AFF1: variants seen among roughly 807,000 people sequenced by gnomAD.
The protein encoded by AFF1 is AF4/FMR2 family member 1.
AFF1 carries 48 observed loss-of-function variants against 121.7 expected under a neutral mutation model. That is an observed-to-expected ratio of 0.39 (90% confidence interval 0.31 to 0.50). AFF1 has a LOEUF of 0.50. AFF1 is among the 20% of genes least tolerant of loss of function. The pLI is 0.76. For synonymous variants in AFF1, 613 were observed against 563.0 expected (o/e 1.09, Z -1.26); for missense variants, 1,523 against 1,511.7 (o/e 1.01, Z -0.12).
intron 11 of AFF1, among the ~76,000 whole-genome samples, chr4:87,113,557 C>G (rs1726776051): frequency 6.6e-6 from 1 of 152,114 alleles, no homozygotes; most frequent in African/African-American, 2.4e-5. Flanking sequence ...GCCTGAATCA[C>G]CGTATTGGTC....
At chr4:86,950,188 A>T in intron 2 of AFF1, 10 of 1,399,884 alleles carry the variant, frequency 7.1e-6, no homozygotes, top group Non-Finnish European at 1.0e-5. Flanking sequence ...AGGTATTATT[A>T]TTTTTTTAAG....
At chr4:87,088,740 A>G (rs1482393728) in intron 5 of AFF1, among the ~76,000 whole-genome samples, 9 of 151,654 alleles carry the variant, frequency 5.9e-5, no homozygotes, top group African/African-American at 1.9e-4. Context: ...GATTACAGGC[A>G]TGTACCACCA....
Position 87,090,074 on chromosome 4 carries a change from A to T in AFF1, c.1191+4A>T, listed in dbSNP as rs773525008. Reference sequence around the variant, plus strand: ...CAAGTTTCCTTTCCCTACAAAGGTAATTCCTTAAAAGTATGGCAGGCATTG... The same window carrying T: ...CAAGTTTCCTTTCCCTACAAAGGTATTTCCTTAAAAGTATGGCAGGCATTG... On this transcript the variant is annotated splice_donor_region_variant and intron_variant, in intron 6 of 20. Coordinates refer to ENST00000395146, the MANE Select transcript of AFF1 (RefSeq NM_001166693.3). 1.9e-6 allele frequency: 3 copies of T among 1,610,970 alleles called. No homozygotes were observed. Among genetic ancestry groups the T allele is most frequent in the South Asian group, 2.2e-5 (2 of 91,010 alleles).
chr4:87,122,804 AT>A (rs1727825165), intron 12 of AFF1, among the ~76,000 whole-genome samples: 1 of 151,790 alleles, frequency 6.6e-6, no homozygotes, highest in Admixed American at 6.6e-5. Flanking sequence ...TAGAAATAGA[AT>A]ATAAGCCACA....
At chr4:87,034,471 C>T (rs1338179347) in intron 2 of AFF1, among the ~76,000 whole-genome samples, 1 of 152,198 alleles carries the variant, frequency 6.6e-6, no homozygotes, top group African/African-American at 2.4e-5. Flanking sequence ...GTATTTATAG[C>T]AGCATGGAGA....
chr4:87,047,681 AGGTTAGTCCATGGCTTTTGGGTAGGG>A (rs1261794357), intron 4 of AFF1, 87 bp downstream of exon 4: 1 of 1,562,976 alleles, frequency 6.4e-7, no homozygotes, highest in Non-Finnish European at 8.8e-7. Flanking sequence ...CAAGGTGGGG[AGGTTAGTCCATGGCTTTTGGGTAGGG>A]GGAATTCTTT....
At chr4:87,051,568 C>T (rs1731262452) in intron 4 of AFF1, among the ~76,000 whole-genome samples, 1 of 152,106 alleles carries the variant, frequency 6.6e-6, no homozygotes, top group Non-Finnish European at 1.5e-5. Flanking sequence ...TCAAGCGATC[C>T]TCCTGCCTCA....
At chr4:87,024,669 C>T (rs553086653) in intron 2 of AFF1, among the ~76,000 whole-genome samples, 8 of 152,256 alleles carry the variant, frequency 5.3e-5, no homozygotes, top group African/African-American at 1.4e-4. Context: ...CTGTTCACTG[C>T]AACCTCTGCC....
chr4:86,998,827 A>G (rs1190933730), intron 2 of AFF1, among the ~76,000 whole-genome samples: 3 of 152,322 alleles, frequency 2.0e-5, no homozygotes, highest in East Asian at 3.9e-4. Context: ...AAAGAGAAGT[A>G]TCTAAAGTGA....
At chr4:87,030,639 A>G (rs1234679815) in intron 2 of AFF1, among the ~76,000 whole-genome samples, 1 of 138,388 alleles carries the variant, frequency 7.2e-6, no homozygotes. Context: ...TTCGTTTAAA[A>G]CTTACACTGA....
intron 2 of AFF1, among the ~76,000 whole-genome samples, chr4:86,990,855 G>GA (rs1724645183): frequency 6.6e-6 from 1 of 152,148 alleles, no homozygotes; most frequent in South Asian, 2.1e-4. Context: ...GAGCTTGTTA[G>GA]AAATATGTAA....
At chr4:87,012,365 T>C (rs368447577) in intron 2 of AFF1, among the ~76,000 whole-genome samples, 1 of 152,140 alleles carries the variant, frequency 6.6e-6, no homozygotes, top group Non-Finnish European at 1.5e-5. Context: ...ATGTGAGATA[T>C]AGTGGAAATA....
rs1432910782 is a variant in AFF1, at chr4:86,985,525, AT to A, written c.38+36955del. Among the ~76,000 whole-genome samples the A allele has an allele frequency of 7.9e-3, 1,185 of 149,930 alleles. 19 individuals carry two copies. The highest frequency in any genetic ancestry group is 0.028 in the African/African-American group (1,140 of 40,754). Reference sequence around the variant, plus strand: ...ACTGTCTCAAAAAAAAAAAAAAAAAATGTAGCTCGGCGTGGTGGCAGGTGCC... The same window carrying A: ...ACTGTCTCAAAAAAAAAAAAAAAAAAGTAGCTCGGCGTGGTGGCAGGTGCC... On this transcript the variant is annotated intron_variant, in intron 2 of 20. Transcript: ENST00000395146.
intron 4 of AFF1, among the ~76,000 whole-genome samples, chr4:87,083,721 T>G (rs1323705242): frequency 6.6e-6 from 1 of 152,240 alleles, no homozygotes; most frequent in Non-Finnish European, 1.5e-5. Context: ...CCATCATTAC[T>G]GTGTTTCCCC....
chr4:86,960,525 G>A (rs1326241113), intron 2 of AFF1, among the ~76,000 whole-genome samples: 2 of 152,230 alleles, frequency 1.3e-5, no homozygotes, highest in African/African-American at 4.8e-5. Context: ...TCCAAAGGCA[G>A]TGGTTTTAGA....
In AFF1 at chr4:87,114,760, G is replaced by A. The variant is rs1560640634; in HGVS notation, c.1927G>A (p.Asp643Asn). Reference protein sequence around the residue: ...EPGLLPYGSRDQTSKDKPKVK... With the variant: ...EPGLLPYGSRNQTSKDKPKVK... ...AGGGCTTCTTCCCTATGGCTCCCGA[G>A]ACCAGACTTCCAAAGACAAGCCCAA... is the stretch of plus-strand genomic sequence containing the variant. The change falls in exon 12 of 21, where the codon GAC becomes AAC. Residue 643 changes from aspartate (D) to asparagine (N), a missense_variant. Physicochemically the swap from Asp to Asn is conservative, Grantham distance 23. This residue lies in a region of AFF1 where 905 missense variants were observed against 842.5 expected (regional missense o/e 1.07). Coordinates refer to ENST00000395146, the MANE Select transcript of AFF1 (RefSeq NM_001166693.3). The A allele has an allele frequency of 1.2e-6, 2 of 1,613,362 alleles. No homozygotes were observed. Among genetic ancestry groups the A allele is most frequent in the Admixed American group, 3.3e-5 (2 of 59,866 alleles).
intron 4 of AFF1, among the ~76,000 whole-genome samples, chr4:87,066,147 TA>T (rs1721326761): frequency 2.0e-5 from 3 of 152,202 alleles, no homozygotes; most frequent in Admixed American, 2.0e-4. Context: ...CATTTTTACT[TA>T]TTGATTGGCA....
At chr4:87,012,217 C>CTTT (rs68156863) in intron 2 of AFF1, among the ~76,000 whole-genome samples, 21,403 of 114,660 alleles carry the variant, frequency 0.19, 2,182 homozygotes, top group East Asian at 0.33. Flanking sequence ...CATTTCATTT[C>CTTT]TTGTTTTTTT....
At chr4:87,079,117 C>A (rs1031674596) in intron 4 of AFF1, among the ~76,000 whole-genome samples, 14 of 152,168 alleles carry the variant, frequency 9.2e-5, no homozygotes, top group African/African-American at 3.4e-4. Context: ...TGGCTTCCCT[C>A]GTCAGCACAT....
Sources: gnomAD v4.1 joint callset for allele counts (sites outside exome capture counted in the v4.1 genomes callset) on GRCh38, gnomAD v4.1.1 for gene constraint, gnomAD v4.1.1 regional missense constraint, MANE v1.5 for transcripts, NCBI Gene and HGNC (gene_info 2026-07-23, HGNC 2026-07-21) for gene names.